Variants in GBE1 observed in about 807,000 individuals in gnomAD.
The protein encoded by GBE1 is 1,4-alpha-glucan-branching enzyme.
A neutral mutation model predicts 88.8 loss-of-function variants in GBE1; 70 were observed. The observed-to-expected ratio is 0.79, with a 90% CI of 0.65 to 0.96. The LOEUF (loss-of-function observed/expected upper bound fraction) is 0.96, where lower values mean the gene tolerates loss of function less well. Ranked by LOEUF, GBE1 falls within the 40% of genes least tolerant of loss-of-function variation. The pLI, the probability that GBE1 is intolerant of heterozygous loss-of-function variation, is 0.00. For synonymous variants in GBE1, 284 were observed against 300.1 expected (o/e 0.95, Z 0.56); for missense variants, 872 against 871.0 (o/e 1.00, Z -0.01).
intron 3 of GBE1, among the ~76,000 whole-genome samples, chr3:81,653,663 TA>T (rs1358675722): frequency 1.3e-5 from 2 of 152,172 alleles, no homozygotes; most frequent in East Asian, 1.9e-4. Flanking sequence ...GTATAGTTGT[TA>T]AAAAATATAC....
chr3:81,674,755 A>G (rs999128174), intron 2 of GBE1, among the ~76,000 whole-genome samples: 21 of 151,920 alleles, frequency 1.4e-4, no homozygotes, highest in African/African-American at 4.3e-4. Context: ...AAATCAGGTT[A>G]CTCAAACTTT....
rs1187869776 is a variant in GBE1, at chr3:81,750,675, GTATA to G, written c.143+10696_143+10699del. On this transcript the variant is annotated intron_variant, in intron 1 of 15. Transcript: ENST00000429644. Reference sequence around the variant, plus strand: ...TATATATATGTATATATATATATACGTATATATATATATATATATGTATTTTTTT... The same window carrying G: ...TATATATATGTATATATATATATACGTATATATATATATATGTATTTTTTT... 5.4e-5 allele frequency among the ~76,000 whole-genome samples: 3 copies of G among 55,046 alleles called. 1 individual carries two copies. The highest frequency in any genetic ancestry group is 1.3e-4 in the African/African-American group (1 of 7,976). The allele number at this position is 55,046 out of a possible 152,430, so 36.1% of individuals were successfully genotyped here. A position where few individuals can be genotyped will look rare whatever the true frequency, so the allele number is the denominator to read the frequency against.
At chr3:81,547,055 G>C (rs1368083975) in intron 12 of GBE1, among the ~76,000 whole-genome samples, 1 of 151,302 alleles carries the variant, frequency 6.6e-6, no homozygotes, top group African/African-American at 2.4e-5. Context: ...TGAAACTAAA[G>C]AGACCCCCAA....
intron 12 of GBE1, among the ~76,000 whole-genome samples, chr3:81,564,217 C>G (rs967101320): frequency 2.6e-5 from 4 of 152,062 alleles, no homozygotes; most frequent in Non-Finnish European, 5.9e-5. Context: ...ATGGACATTG[C>G]CTCAGAGGCA....
intron 1 of GBE1, among the ~76,000 whole-genome samples, chr3:81,758,433 T>C (rs1186943169): frequency 3.3e-5 from 5 of 152,216 alleles, no homozygotes; most frequent in African/African-American, 9.6e-5. Context: ...TAAGAAATAG[T>C]GCATAGTTCA....
At chr3:81,555,000 G>C (rs1703328151) in intron 12 of GBE1, among the ~76,000 whole-genome samples, 3 of 152,140 alleles carry the variant, frequency 2.0e-5, no homozygotes, top group Admixed American at 2.0e-4. Flanking sequence ...ATCAGCTCTT[G>C]CTTCCTCTCA....
At chr3:81,665,836 T>C (rs1310597585) in intron 3 of GBE1, among the ~76,000 whole-genome samples, 5 of 152,134 alleles carry the variant, frequency 3.3e-5, no homozygotes, top group Non-Finnish European at 7.4e-5. Context: ...AAAATGAACA[T>C]TTTGTTCTTC....
At chr3:81,596,426 A>C (rs906491543) in intron 7 of GBE1, among the ~76,000 whole-genome samples, 5 of 151,886 alleles carry the variant, frequency 3.3e-5, no homozygotes, top group Admixed American at 6.6e-5. Context: ...TCCAAATGCT[A>C]TCTCTCCCCG....
intron 7 of GBE1, among the ~76,000 whole-genome samples, chr3:81,600,241 CAG>C (rs1704013673): frequency 6.6e-6 from 1 of 151,826 alleles, no homozygotes; most frequent in Admixed American, 6.6e-5. Context: ...AGCCTGGTGA[CAG>C]AGTGAGACTC....
At chr3:81,673,368 C>A (rs899805695) in intron 2 of GBE1, among the ~76,000 whole-genome samples, 1 of 151,838 alleles carries the variant, frequency 6.6e-6, no homozygotes, top group South Asian at 2.1e-4. Flanking sequence ...AATGCCAAAC[C>A]AAATTTAGTG....
intron 1 of GBE1, among the ~76,000 whole-genome samples, chr3:81,749,983 A>C (rs1164559691): frequency 6.6e-6 from 1 of 152,236 alleles, no homozygotes; most frequent in Non-Finnish European, 1.5e-5. Context: ...CTAATACTGC[A>C]TGGGTACCAT....
intron 1 of GBE1, among the ~76,000 whole-genome samples, chr3:81,708,119 A>T (rs967922764): frequency 2.0e-5 from 3 of 152,026 alleles, no homozygotes; most frequent in African/African-American, 7.2e-5. Context: ...AGTATGTAAA[A>T]CTAGGTTTAT....
intron 1 of GBE1, among the ~76,000 whole-genome samples, chr3:81,731,296 C>T (rs577880494): frequency 2.2e-4 from 33 of 152,220 alleles, no homozygotes; most frequent in South Asian, 1.2e-3. Flanking sequence ...GTCCCCTGAA[C>T]TAAGATCACT....
intron 12 of GBE1, among the ~76,000 whole-genome samples, chr3:81,565,606 A>G (rs548308099): frequency 1.3e-5 from 2 of 152,310 alleles, no homozygotes; most frequent in South Asian, 4.1e-4. Context: ...AAATTATCAA[A>G]TGTCAAAATA....
intron 7 of GBE1, chr3:81,612,220 TAAAAAAAAAAA>T (rs11404629): frequency 2.9e-5 from 7 of 241,738 alleles, no homozygotes; most frequent in Admixed American, 1.4e-4. Flanking sequence ...CACGCTCCTT[TAAAAAAAAAAA>T]AAAAAAAAAA....
intron 3 of GBE1, among the ~76,000 whole-genome samples, chr3:81,667,248 T>C (rs1036134480): frequency 3.9e-5 from 6 of 152,168 alleles, no homozygotes; most frequent in Admixed American, 3.3e-4. Flanking sequence ...TCTCTGCTTG[T>C]CTATTGCTGG....
At chr3:81,686,483 G>A (rs138339815) in intron 2 of GBE1, among the ~76,000 whole-genome samples, 6 of 152,268 alleles carry the variant, frequency 3.9e-5, no homozygotes, top group East Asian at 1.9e-4. Flanking sequence ...CTGGCCGGGC[G>A]CAGTGACTCA....
At chr3:81,507,375 T>C (rs1033453240) in intron 14 of GBE1, among the ~76,000 whole-genome samples, 2 of 152,044 alleles carry the variant, frequency 1.3e-5, no homozygotes, top group African/African-American at 4.8e-5. Flanking sequence ...CCATCCTGGC[T>C]AACACTGTGA....
At chr3:81,506,324 T>C (rs538719609) in intron 14 of GBE1, among the ~76,000 whole-genome samples, 1 of 151,998 alleles carries the variant, frequency 6.6e-6, no homozygotes, top group East Asian at 1.9e-4. Context: ...ACATCACTGA[T>C]CCCTAGAGGA....
Sources: gnomAD v4.1 joint callset for allele counts (sites outside exome capture counted in the v4.1 genomes callset) on GRCh38, gnomAD v4.1.1 for gene constraint, MANE v1.5 for transcripts, NCBI Gene and HGNC (gene_info 2026-07-23, HGNC 2026-07-21) for gene names.